The following SPATA4 variants were observed in gnomAD, a reference collection of about 807,000 sequenced individuals.
The protein encoded by SPATA4 is spermatogenesis associated 4.
Under a neutral mutation model 31.8 loss-of-function variants are expected in SPATA4, and 35 were observed. The observed-to-expected ratio is 1.10, with a 90% confidence interval of 0.84 to 1.46. The LOEUF is 1.46. Among genes scored for constraint, SPATA4 ranks in the 40% most tolerant of loss-of-function variants. SPATA4 has a pLI of 0.00. For missense variants in SPATA4, 394 were observed against 363.1 expected, an observed-to-expected ratio of 1.09 and a Z score of -0.69; for synonymous variants, 126 against 132.4, an observed-to-expected ratio of 0.95 and a Z score of 0.33.
intron 5 of SPATA4, among the ~76,000 whole-genome samples, chr4:176,187,281 T>C (rs904701098): frequency 3.9e-5 from 6 of 152,196 alleles, no homozygotes; most frequent in African/African-American, 1.4e-4. Flanking sequence ...GCACGGGAAC[T>C]TGAATTTCAT....
chr4:176,195,389 C>A lies in SPATA4; in HGVS notation c.174G>T (p.Trp58Cys). 1.2e-6 allele frequency: 2 copies of A among 1,614,210 alleles called. No individual in the cohort carries two copies. Among genetic ancestry groups the A allele is most frequent in the Non-Finnish European group, 8.5e-7 (1 of 1,180,050 alleles). Residue 58 changes from tryptophan (W) to cysteine (C), a missense_variant, in exon 1 of 6, where the codon TGG becomes TGT. Coordinates refer to ENST00000280191, the MANE Select transcript of SPATA4 (RefSeq NM_144644.4). ...AGAAGCTGAGATCCAGACCCTGAAGCCAACGCAGAACGGAACGAGACAAGC... is the reference window on the plus strand; with the variant it reads ...AGAAGCTGAGATCCAGACCCTGAAGACAACGCAGAACGGAACGAGACAAGC... ...SSRLSRSVLR[W>C]LQGLDLSFFP...
intron 5 of SPATA4, among the ~76,000 whole-genome samples, chr4:176,186,099 C>T (rs982016731): frequency 6.6e-6 from 1 of 152,168 alleles, no homozygotes; most frequent in Non-Finnish European, 1.5e-5. Flanking sequence ...TCTAAAAACT[C>T]ATATGTGAAC....
intron 5 of SPATA4, among the ~76,000 whole-genome samples, chr4:176,185,368 G>T (rs1490680024): frequency 1.3e-5 from 2 of 152,084 alleles, no homozygotes; most frequent in East Asian, 3.8e-4. Context: ...TATTCCATTG[G>T]CCCATAATTT....
intron 4 of SPATA4, 84 bp from the exon 5 acceptor site, chr4:176,188,319 G>C: frequency 1.1e-6 from 1 of 875,522 alleles, no homozygotes; most frequent in Non-Finnish European, 1.8e-6. Context: ...TAAAAATTAA[G>C]TAAATTATTT....
chr4:176,194,157 C>T (rs960406521), intron 1 of SPATA4: 1 of 89,006 alleles, frequency 1.1e-5, no homozygotes, highest in Non-Finnish European at 2.5e-5. Flanking sequence ...GTGTGGTGCG[C>T]TTGTGTGCAA....
chr4:176,190,020 G>T (rs62341360), intron 4 of SPATA4, among the ~76,000 whole-genome samples: 39,118 of 152,030 alleles, frequency 0.26, 5,211 homozygotes, highest in Admixed American at 0.37. Flanking sequence ...GTGACTGGGG[G>T]CTGCGTGCAC....
intron 4 of SPATA4, among the ~76,000 whole-genome samples, chr4:176,191,629 T>C (rs1752534496): frequency 6.6e-6 from 1 of 152,208 alleles, no homozygotes; most frequent in African/African-American, 2.4e-5. Flanking sequence ...AGCAAAATTT[T>C]AATGTTTAAA....
chr4:176,195,571 C>T lies in SPATA4; in HGVS notation c.-9G>A. On this transcript the variant is annotated 5_prime_UTR_variant, in exon 1 of 6. Coordinates refer to ENST00000280191, the MANE Select transcript of SPATA4 (RefSeq NM_144644.4). ...TGGCCGGCGGCAGCCATGACGCTTT[C>T]TGGGTTGCTGCGGCAACAGCAGAAG... is the stretch of plus-strand genomic sequence containing the variant. 2.5e-6 allele frequency: 4 copies of T among 1,613,578 alleles called. No homozygotes were observed. The highest frequency in any genetic ancestry group is 2.5e-6 in the Non-Finnish European group (3 of 1,179,710).
chr4:176,184,925 A>G, intron 5 of SPATA4, 33 bp from the exon 6 acceptor site: 1 of 1,300,282 alleles, frequency 7.7e-7, no homozygotes, highest in South Asian at 1.3e-5. Context: ...ATTAAAATCA[A>G]TTCATGGTTA....
At chr4:176,195,128 C>T (rs1314677073) in intron 1 of SPATA4, among the ~76,000 whole-genome samples, 1 of 152,192 alleles carries the variant, frequency 6.6e-6, no homozygotes, top group East Asian at 1.9e-4. Context: ...ATATTGTCCA[C>T]AATTTAATGA....
Position 176,192,708 on chromosome 4 carries a change from T to G in SPATA4, c.607A>C (p.Met203Leu). Reference sequence around the variant, plus strand: ...TCCGCTTTAAGTTCATTGGTCAGCATGTTGGGATTGCTTAGTAATTCTGAT... The same window carrying G: ...TCCGCTTTAAGTTCATTGGTCAGCAGGTTGGGATTGCTTAGTAATTCTGAT... The part of the protein sequence containing the change: ...RLSELLSNPN[M>L]LTNELKAEFL... The change falls in exon 4 of 6, where the codon ATG becomes CTG. Residue 203 changes from methionine (M) to leucine (L), a missense_variant. Met to Leu is a conservative substitution (Grantham distance 15). Transcript: ENST00000280191. 1 of 1,614,142 alleles carries G rather than the reference T, an allele frequency of 6.2e-7. No homozygotes were observed. Among genetic ancestry groups the G allele is most frequent in the South Asian group, 1.1e-5 (1 of 91,080 alleles).
chr4:176,190,816 T>G (rs1752516011), intron 4 of SPATA4, among the ~76,000 whole-genome samples: 1 of 152,100 alleles, frequency 6.6e-6, no homozygotes, highest in African/African-American at 2.4e-5. Context: ...CTTCTAAGGG[T>G]TTGTGTGATT....
chr4:176,195,360 G>C lies in SPATA4; in HGVS notation c.203C>G (p.Pro68Arg). ...WLQGLDLSFFPRNINRDFSNG... is the reference protein window; with the variant it reads ...WLQGLDLSFFRRNINRDFSNG... ...ACTCAAGCACCTGTTGATGTTCCTGGGGAAGAAGCTGAGATCCAGACCCTG... is the reference window on the plus strand; with the variant it reads ...ACTCAAGCACCTGTTGATGTTCCTGCGGAAGAAGCTGAGATCCAGACCCTG... The change falls in exon 1 of 6, where the codon CCC (proline) becomes CGC (arginine). Residue 68 changes from proline to arginine, a missense_variant. Physicochemically the swap from Pro to Arg is moderately radical, Grantham distance 103. Coordinates refer to ENST00000280191, the MANE Select transcript of SPATA4 (RefSeq NM_144644.4). 1 of 1,614,148 alleles carries C rather than the reference G, an allele frequency of 6.2e-7. No homozygotes were observed. The highest frequency in any genetic ancestry group is 8.5e-7 in the Non-Finnish European group (1 of 1,180,024).
At chr4:176,187,355 A>G (rs547181827) in intron 5 of SPATA4, among the ~76,000 whole-genome samples, 2 of 152,028 alleles carry the variant, frequency 1.3e-5, no homozygotes, top group South Asian at 4.2e-4. Context: ...ATGAAATCCT[A>G]GCAGTTTGGG....
At chr4:176,187,615 A>C (rs1321003470) in intron 5 of SPATA4, among the ~76,000 whole-genome samples, 6 of 152,248 alleles carry the variant, frequency 3.9e-5, no homozygotes, top group African/African-American at 1.4e-4. Context: ...AAAAAAGAAA[A>C]AAAGTAAAAA....
intron 4 of SPATA4, 70 bp from the exon 5 acceptor site, chr4:176,188,305 A>C (rs1158267925): frequency 1.0e-6 from 1 of 976,786 alleles, no homozygotes; most frequent in Non-Finnish European, 1.5e-6. Context: ...AAGATGCCAT[A>C]ATTTAAAAAT....
At chr4:176,187,478 G>A (rs554709084) in intron 5 of SPATA4, among the ~76,000 whole-genome samples, 67 of 152,120 alleles carry the variant, frequency 4.4e-4, no homozygotes, top group African/African-American at 1.3e-3. Context: ...GGCACCGTGC[G>A]TTGTAGTCCC....
At chr4:176,185,396 T>C (rs1446999899) in intron 5 of SPATA4, among the ~76,000 whole-genome samples, 3 of 152,202 alleles carry the variant, frequency 2.0e-5, no homozygotes, top group African/African-American at 7.2e-5. Flanking sequence ...TAACTAAATT[T>C]TGGTGAACAA....
chr4:176,195,479 T>C lies in SPATA4; in HGVS notation c.84A>G (p.Leu28=). ...LDKSPSLSPQ[L]AAPIRGRPKK... ...TAGGCCTCCCTCGGATGGGAGCTGCTAGCTGTGGCGAAAGTGACGGTGACT... is the reference window on the plus strand; with the variant it reads ...TAGGCCTCCCTCGGATGGGAGCTGCCAGCTGTGGCGAAAGTGACGGTGACT... Residue 28 remains leucine (L), a synonymous_variant, in exon 1 of 6, where the codon CTA becomes CTG. Transcript: ENST00000280191. 6.2e-7 allele frequency: 1 copy of C among 1,614,250 alleles called. No homozygotes were observed.
Sources: gnomAD v4.1 joint callset for allele counts (sites outside exome capture counted in the v4.1 genomes callset) on GRCh38, gnomAD v4.1.1 for gene constraint, MANE v1.5 for transcripts, NCBI Gene and HGNC (gene_info 2026-07-23, HGNC 2026-07-21) for gene names.